Variants in CTNNA3 observed in about 807,000 individuals in gnomAD.
CTNNA3 encodes the protein catenin alpha 3.
In CTNNA3, 76 loss-of-function variants were observed where a neutral mutation model predicts 95.7. The observed-to-expected ratio is 0.79, with a 90% CI of 0.66 to 0.96. The LOEUF (loss-of-function observed/expected upper bound fraction) is 0.96. CTNNA3 is among the 40% of genes least tolerant of loss of function. The pLI, the probability that CTNNA3 is intolerant of heterozygous loss-of-function variation, is 0.00. For missense variants in CTNNA3, 1,191 were observed against 1,089.8 expected (o/e 1.09, Z -1.31); for synonymous variants, 431 against 374.4 (o/e 1.15, Z -1.74).
chr10:67,141,129 G>A (rs1355413217), intron 7 of CTNNA3, among the ~76,000 whole-genome samples: 1 of 152,266 alleles, frequency 6.6e-6, no homozygotes, highest in Non-Finnish European at 1.5e-5. Flanking sequence ...TTGGTGATCA[G>A]AGCCAGAAAA....
At chr10:66,474,405 A>G (rs1839249235) in intron 11 of CTNNA3, among the ~76,000 whole-genome samples, 1 of 152,076 alleles carries the variant, frequency 6.6e-6, no homozygotes, top group Non-Finnish European at 1.5e-5. Context: ...GCTGAATAGT[A>G]TCCCACTGTG....
At chr10:67,116,119 G>T (rs1045616264) in intron 7 of CTNNA3, among the ~76,000 whole-genome samples, 1 of 151,556 alleles carries the variant, frequency 6.6e-6, no homozygotes, top group Non-Finnish European at 1.5e-5. Flanking sequence ...CATATCAATT[G>T]CATTTGCAGC....
intron 7 of CTNNA3, among the ~76,000 whole-genome samples, chr10:67,034,666 C>T (rs1400525420): frequency 1.3e-5 from 2 of 152,174 alleles, no homozygotes; most frequent in African/African-American, 2.4e-5. Context: ...TACACCTAAT[C>T]TTTCTCAAAC....
intron 15 of CTNNA3, among the ~76,000 whole-genome samples, chr10:66,008,768 C>A: frequency 6.6e-6 from 1 of 152,054 alleles, no homozygotes; most frequent in Non-Finnish European, 1.5e-5. Flanking sequence ...ATGCAATATT[C>A]CCTCAGGAGA....
chr10:66,388,784 T>C (rs1309617686), intron 11 of CTNNA3, among the ~76,000 whole-genome samples: 1 of 152,146 alleles, frequency 6.6e-6, no homozygotes, highest in African/African-American at 2.4e-5. Flanking sequence ...AGATTAAATA[T>C]AGCACAAAAT....
At chr10:66,392,309 A>C (rs1564922664) in intron 11 of CTNNA3, among the ~76,000 whole-genome samples, 1 of 152,014 alleles carries the variant, frequency 6.6e-6, no homozygotes, top group African/African-American at 2.4e-5. Flanking sequence ...CCACACCTGT[A>C]GTCCTAACTA....
chr10:66,623,984 C>A (rs542588111), intron 9 of CTNNA3, among the ~76,000 whole-genome samples: 68 of 152,190 alleles, frequency 4.5e-4, no homozygotes, highest in Non-Finnish European at 8.2e-4. Flanking sequence ...TAATTCCCTG[C>A]TGGTCAAAGA....
chr10:66,743,731 A>G (rs1467156453), intron 9 of CTNNA3, among the ~76,000 whole-genome samples: 2 of 152,098 alleles, frequency 1.3e-5, no homozygotes, highest in Non-Finnish European at 2.9e-5. Flanking sequence ...TAATCCCAGC[A>G]CTTTGGAAGG....
chr10:66,378,111 T>C (rs574902127), intron 12 of CTNNA3, among the ~76,000 whole-genome samples: 10 of 152,326 alleles, frequency 6.6e-5, no homozygotes, highest in African/African-American at 2.4e-4. Flanking sequence ...CCTTGCAGCA[T>C]AGCACTTCAG....
chr10:67,652,470 A>T (rs957786694), intron 1 of CTNNA3, among the ~76,000 whole-genome samples: 2 of 152,232 alleles, frequency 1.3e-5, no homozygotes, highest in African/African-American at 4.8e-5. Context: ...TATCTTCTTT[A>T]CTTTCATCAT....
intron 12 of CTNNA3, among the ~76,000 whole-genome samples, chr10:66,367,053 G>A (rs1404891841): frequency 1.3e-5 from 2 of 152,122 alleles, no homozygotes; most frequent in Non-Finnish European, 2.9e-5. Context: ...ACACACCCGG[G>A]CCTGGGAGAC....
At chr10:67,678,491 C>T (rs1297058504) in intron 1 of CTNNA3, among the ~76,000 whole-genome samples, 3 of 152,120 alleles carry the variant, frequency 2.0e-5, no homozygotes, top group Admixed American at 1.3e-4. Flanking sequence ...AACTGCTACC[C>T]TGGATTTAAT....
chr10:67,579,958 T>A (rs1842321737), intron 3 of CTNNA3, among the ~76,000 whole-genome samples: 1 of 152,244 alleles, frequency 6.6e-6, no homozygotes, highest in East Asian at 1.9e-4. Context: ...ATATTAGCCC[T>A]TTGTCAGATG....
At chr10:66,478,566 A>G (rs1308827336) in intron 11 of CTNNA3, among the ~76,000 whole-genome samples, 1 of 150,154 alleles carries the variant, frequency 6.7e-6, no homozygotes, top group Admixed American at 6.6e-5. Context: ...ATTTTTGATG[A>G]AAAAATATAG....
At chr10:66,730,053 C>T (rs1263736746) in intron 9 of CTNNA3, among the ~76,000 whole-genome samples, 2 of 151,142 alleles carry the variant, frequency 1.3e-5, no homozygotes, top group African/African-American at 2.4e-5. Flanking sequence ...TTGCAGTAAG[C>T]CGAGATTGTG....
Position 66,064,574 on chromosome 10 carries a change from AC to A in CTNNA3, c.2159+4733del, listed in dbSNP as rs550597588. On this transcript the variant is annotated intron_variant, in intron 15 of 17. Transcript: ENST00000433211. The stretch of plus-strand genomic sequence containing the variant: ...TAAGACCCCCCAGGGAAAAGCATTC[AC>A]CGTTGATGCTCCATCAAGCTGGTGT... Among the ~76,000 whole-genome samples, 1,266 of 152,192 alleles carry A rather than the reference AC, an allele frequency of 8.3e-3. 13 individuals carry two copies. The highest frequency in any genetic ancestry group is 0.029 in the African/African-American group (1,200 of 41,548).
chr10:67,373,217 A>G (rs1399123343), intron 5 of CTNNA3, among the ~76,000 whole-genome samples: 1 of 152,210 alleles, frequency 6.6e-6, no homozygotes, highest in Non-Finnish European at 1.5e-5. Context: ...AGAGTGCTGT[A>G]TTCAGGAAAC....
intron 5 of CTNNA3, among the ~76,000 whole-genome samples, chr10:67,502,224 C>T (rs12248077): frequency 0.072 from 10,967 of 152,202 alleles, 478 homozygotes; most frequent in South Asian, 0.14. Flanking sequence ...AATGGTCAGG[C>T]CCCTCTCCTG....
At chr10:66,184,995 G>A (rs535259984) in intron 13 of CTNNA3, among the ~76,000 whole-genome samples, 30 of 152,154 alleles carry the variant, frequency 2.0e-4, no homozygotes, top group African/African-American at 6.7e-4. Flanking sequence ...ATTTTTGTAC[G>A]GCCTTGCTCT....
Sources: gnomAD v4.1 joint callset for allele counts (sites outside exome capture counted in the v4.1 genomes callset) on GRCh38, gnomAD v4.1.1 for gene constraint, MANE v1.5 for transcripts, NCBI Gene and HGNC (gene_info 2026-07-23, HGNC 2026-07-21) for gene names.